CENPM: variants seen among roughly 807,000 people sequenced by gnomAD.
CENPM encodes the protein centromere protein M.
A neutral mutation model predicts 19.6 loss-of-function variants in CENPM; 14 were observed. The observed-to-expected ratio is 0.71, with a 90% CI of 0.47 to 1.11. CENPM has a LOEUF of 1.11. Ranked by LOEUF, CENPM falls within the 50% of genes most tolerant of loss-of-function variation. CENPM has a pLI of 0.00. For synonymous variants in CENPM, 114 were observed against 101.5 expected (o/e 1.12, Z -0.74); for missense variants, 239 against 228.4 (o/e 1.05, Z -0.30).
chr22:41,945,984 A>G lies in CENPM; in HGVS notation c.159T>C (p.Pro53=). Residue 53 remains proline (P), a synonymous_variant, in exon 3 of 6, where the codon CCT becomes CCC. Coordinates refer to ENST00000215980, the MANE Select transcript of CENPM (RefSeq NM_024053.5). ...GGGGCCGATTCACACTGGAGGGCAA[A>G]GGGAGGGACTTTGCCAAGTGGCTGA... The part of the protein sequence containing the change: ...ELKVHLAKSL[P]LPSSVNRPRI... 6.2e-7 allele frequency: 1 copy of G among 1,613,952 alleles called. No homozygotes were observed. Among genetic ancestry groups the G allele is most frequent in the East Asian group, 2.2e-5 (1 of 44,872 alleles).
intron 1 of CENPM, 79 bp downstream of exon 1, chr22:41,946,941 G>A (rs1449957726): frequency 2.8e-6 from 4 of 1,453,270 alleles, no homozygotes; most frequent in Middle Eastern, 3.5e-4. Context: ...TGGCGCCTCA[G>A]AGAGCTCAGT....
the CENPM span, among the ~76,000 whole-genome samples, chr22:41,930,397 A>T: frequency 6.7e-6 from 1 of 149,772 alleles, no homozygotes; most frequent in East Asian, 2.0e-4. Context: ...GCCTGGCTAA[A>T]TTTTTTTGTA....
At chr22:41,931,467 G>C in the CENPM span, among the ~76,000 whole-genome samples, 12 of 150,744 alleles carry the variant, frequency 8.0e-5, no homozygotes, top group African/African-American at 2.9e-4. Flanking sequence ...CTGACAGAGC[G>C]AGACCCCATC....
downstream of CENPM, among the ~76,000 whole-genome samples, chr22:41,934,112 C>T (rs2077674427): frequency 6.6e-6 from 1 of 152,206 alleles, no homozygotes; most frequent in South Asian, 2.1e-4. Flanking sequence ...GTTCCCACTG[C>T]ACCACTTCCC....
chr22:41,940,743 T>TA (rs2077732021), intron 5 of CENPM, among the ~76,000 whole-genome samples: 1 of 152,162 alleles, frequency 6.6e-6, no homozygotes, highest in Non-Finnish European at 1.5e-5. Flanking sequence ...CAGTGGTCGG[T>TA]ACCACAGAAA....
At position 41,939,001 on chromosome 22, in the gene CENPM, G is replaced by T; in HGVS notation, c.*55C>A. On this transcript the variant is annotated 3_prime_UTR_variant, in exon 6 of 6. Transcript: ENST00000215980. ...TGACTGGACATCCTCAACAGAGAAT[G>T]TTTATGGAGTCAGCACGAAGCCATG... 6.3e-7 allele frequency: 1 copy of T among 1,599,864 alleles called. No homozygotes were observed. Among genetic ancestry groups the T allele is most frequent in the Non-Finnish European group, 8.5e-7 (1 of 1,172,410 alleles).
Position 41,946,471 on chromosome 22 carries a change from A to T in CENPM, c.83T>A (p.Leu28Gln). ...GAGCATCGAGTCCGCCAGCTGCTGCAGAAGAGCATCCTCCGTGCCCACCAG... is the reference window on the plus strand; with the variant it reads ...GAGCATCGAGTCCGCCAGCTGCTGCTGAAGAGCATCCTCCGTGCCCACCAG... ...ILLVGTEDAL[L>Q]QQLADSMLKE... The change falls in exon 2 of 6, where the codon CTG becomes CAG. Residue 28 changes from leucine to glutamine, a missense_variant. Physicochemically the swap from Leu to Gln is moderately radical, Grantham distance 113. Transcript: ENST00000215980. The T allele has an allele frequency of 1.2e-6, 2 of 1,613,298 alleles. No individual in the cohort carries two copies. Among genetic ancestry groups the T allele is most frequent in the Non-Finnish European group, 1.7e-6 (2 of 1,179,986 alleles).
chr22:41,927,562 C>A, the CENPM span, among the ~76,000 whole-genome samples: 1 of 142,742 alleles, frequency 7.0e-6, no homozygotes, highest in South Asian at 2.2e-4. Flanking sequence ...TGCAGTGGTG[C>A]AATCTCGGCT....
At chr22:41,933,269 T>A in the CENPM span, among the ~76,000 whole-genome samples, 1 of 148,544 alleles carries the variant, frequency 6.7e-6, no homozygotes, top group Non-Finnish European at 1.5e-5. Flanking sequence ...CAGGCTAGAG[T>A]AAAGGGGCCC....
chr22:41,942,266 C>G (rs960050925), intron 5 of CENPM, among the ~76,000 whole-genome samples: 1 of 152,228 alleles, frequency 6.6e-6, no homozygotes, highest in Non-Finnish European at 1.5e-5. Flanking sequence ...AGCACATCAA[C>G]TCCTGCTGAG....
intron 4 of CENPM, chr22:41,944,919 T>A: frequency 8.2e-7 from 1 of 1,218,318 alleles, no homozygotes; most frequent in Non-Finnish European, 1.0e-6. Context: ...GTATATGTGT[T>A]CTTTCGGTTT....
the CENPM span, among the ~76,000 whole-genome samples, chr22:41,930,004 C>T: frequency 7.7e-4 from 98 of 127,650 alleles, no homozygotes; most frequent in African/African-American, 2.8e-3. Context: ...AGTGCAGTGG[C>T]GCAATCTCCG....
chr22:41,946,934 C>T, intron 1 of CENPM, 86 bp downstream of exon 1: 3 of 1,389,818 alleles, frequency 2.2e-6, no homozygotes, highest in South Asian at 1.2e-5. Context: ...GCTGGCTTGG[C>T]GCCTCAGAGA....
At chr22:41,946,951 T>C (rs1484873872) in intron 1 of CENPM, 69 bp downstream of exon 1, 2 of 1,514,310 alleles carry the variant, frequency 1.3e-6, no homozygotes, top group East Asian at 2.3e-5. Context: ...GAGAGCTCAG[T>C]TGACCTAGTG....
intron 5 of CENPM, among the ~76,000 whole-genome samples, chr22:41,941,898 G>C (rs2077742655): frequency 6.6e-6 from 1 of 152,216 alleles, no homozygotes; most frequent in African/African-American, 2.4e-5. Flanking sequence ...ACAGTGATGA[G>C]ACCTGCCCAA....
chr22:41,929,734 C>T, the CENPM span, among the ~76,000 whole-genome samples: 5 of 126,184 alleles, frequency 4.0e-5, no homozygotes, highest in African/African-American at 6.0e-5. Flanking sequence ...AAAAGGCCTG[C>T]GGGATTCGTG....
At chr22:41,929,925 T>C in the CENPM span, among the ~76,000 whole-genome samples, 1 of 151,402 alleles carries the variant, frequency 6.6e-6, no homozygotes, top group East Asian at 1.9e-4. Context: ...GTATTCTTAT[T>C]TCCCCGTGGC....
intron 1 of CENPM, 30 bp downstream of exon 1, chr22:41,946,990 G>C (rs748335473): frequency 1.9e-6 from 3 of 1,610,766 alleles, no homozygotes; most frequent in African/African-American, 1.3e-5. Flanking sequence ...AGGAAAAACC[G>C]GCGGGGGAAG....
At chr22:41,935,636 C>CT (rs1299095911), downstream of CENPM, among the ~76,000 whole-genome samples, 1 of 152,130 alleles carries the variant, frequency 6.6e-6, no homozygotes, top group Non-Finnish European at 1.5e-5. Flanking sequence ...GCCCGAGGGG[C>CT]TTTTTGCTGC....
Sources: allele counts gnomAD v4.1 joint callset (sites outside exome capture counted in the v4.1 genomes callset), GRCh38; gene constraint gnomAD v4.1.1; transcripts MANE v1.5; gene names NCBI Gene and HGNC (gene_info 2026-07-23, HGNC 2026-07-21).